The following UGT3A1 variants were observed in gnomAD, a reference collection of about 807,000 sequenced individuals.
The protein encoded by UGT3A1 is UDP-glycosyltransferase 3A1.
Under a neutral mutation model 37.6 loss-of-function variants are expected in UGT3A1, and 40 were observed. The ratio of observed to expected loss-of-function variants is 1.06; its 90% CI spans 0.83 to 1.38. The LOEUF is 1.38. Ranked by LOEUF, UGT3A1 falls within the 40% of genes most tolerant of loss-of-function variation. UGT3A1 has a pLI of 0.00. For synonymous variants in UGT3A1, 256 were observed against 232.3 expected (o/e 1.10, Z -0.93); for missense variants, 642 against 634.2 (o/e 1.01, Z -0.13).
At chr5:35,975,562 A>G (rs1740231385) in intron 2 of UGT3A1, among the ~76,000 whole-genome samples, 1 of 152,202 alleles carries the variant, frequency 6.6e-6, no homozygotes, top group Admixed American at 6.5e-5. Context: ...AACTCACTTA[A>G]CTGCAAATAA....
intron 4 of UGT3A1, among the ~76,000 whole-genome samples, chr5:35,963,519 C>T (rs1739673346): frequency 6.6e-6 from 1 of 152,122 alleles, no homozygotes; most frequent in Non-Finnish European, 1.5e-5. Flanking sequence ...GAAAAGGAAC[C>T]CTCTCGATTA....
rs1432067590 is a variant in UGT3A1, at chr5:35,951,325, T to C, written c.*2877A>G. On this transcript the variant is annotated 3_prime_UTR_variant, in exon 7 of 7. Coordinates refer to ENST00000274278, the MANE Select transcript of UGT3A1 (RefSeq NM_152404.4). Reference sequence around the variant, plus strand: ...ATCTATCACACTCTGGTTTATTCCCTCTGCACTGTTTTTGCAAGGCAATGC... The same window carrying C: ...ATCTATCACACTCTGGTTTATTCCCCCTGCACTGTTTTTGCAAGGCAATGC... The C allele has an allele frequency of 6.6e-6, 1 of 152,192 alleles. No homozygotes were observed. The highest frequency in any genetic ancestry group is 2.4e-5 in the African/African-American group (1 of 41,460). 9.4% of individuals were successfully genotyped at this position (152,192 alleles called of 1,614,324 possible).
intron 4 of UGT3A1, among the ~76,000 whole-genome samples, chr5:35,964,592 A>G (rs1739721054): frequency 6.6e-6 from 1 of 152,180 alleles, no homozygotes; most frequent in African/African-American, 2.4e-5. Flanking sequence ...TGGCCTCTGC[A>G]CTACACAGTG....
intron 5 of UGT3A1, 72 bp downstream of exon 5, chr5:35,957,116 A>G: frequency 7.6e-7 from 1 of 1,307,234 alleles, no homozygotes; most frequent in South Asian, 1.3e-5. Context: ...ATGCCCAGCT[A>G]GAGGTCAGAA....
chr5:35,972,494 CGT>C (rs4024103), intron 2 of UGT3A1, among the ~76,000 whole-genome samples: 24,130 of 141,220 alleles, frequency 0.17, 1,980 homozygotes, highest in East Asian at 0.23. Context: ...CCTTGAAATA[CGT>C]GTGTGTGTGT....
At chr5:35,993,275 C>T (rs191768716), upstream of UGT3A1, among the ~76,000 whole-genome samples, 40 of 152,202 alleles carry the variant, frequency 2.6e-4, no homozygotes, top group South Asian at 1.2e-3. Context: ...ACCATCCTGG[C>T]CAACATGGTG....
chr5:35,961,518 T>C (rs545245506), intron 4 of UGT3A1: 1 of 152,228 alleles, frequency 6.6e-6, no homozygotes, highest in Admixed American at 6.5e-5. Flanking sequence ...TTGAGCTGTT[T>C]CACCCTGGTG....
At chr5:35,978,136 G>C (rs1316522224) in intron 2 of UGT3A1, among the ~76,000 whole-genome samples, 3 of 152,156 alleles carry the variant, frequency 2.0e-5, no homozygotes. Context: ...TGGGATTCAA[G>C]AAGTTCTCCT....
chr5:35,994,253 G>C (rs1309086473), upstream of UGT3A1, among the ~76,000 whole-genome samples: 1 of 152,002 alleles, frequency 6.6e-6, no homozygotes, highest in Non-Finnish European at 1.5e-5. Flanking sequence ...AGAGCACTCA[G>C]AAATCATATA....
At chr5:35,976,282 C>T (rs557499356) in intron 2 of UGT3A1, among the ~76,000 whole-genome samples, 37 of 152,260 alleles carry the variant, frequency 2.4e-4, no homozygotes, top group African/African-American at 7.2e-4. Context: ...AATTGTGTTG[C>T]TCCTACACAT....
chr5:35,993,827 A>T (rs1346665544), upstream of UGT3A1, among the ~76,000 whole-genome samples: 1 of 152,156 alleles, frequency 6.6e-6, no homozygotes, highest in Non-Finnish European at 1.5e-5. Flanking sequence ...TCTGAAGTCC[A>T]GGATCTCTTT....
At chr5:35,964,064 C>T (rs1241644024) in intron 4 of UGT3A1, among the ~76,000 whole-genome samples, 2 of 149,324 alleles carry the variant, frequency 1.3e-5, no homozygotes, top group Non-Finnish European at 3.0e-5. Context: ...TATAAGTGTA[C>T]TCAATGCCAC....
At chr5:35,999,955 C>G (rs1233316933) in intron 1 of UGT3A1, among the ~76,000 whole-genome samples, 1 of 152,138 alleles carries the variant, frequency 6.6e-6, no homozygotes, top group African/African-American at 2.4e-5. Flanking sequence ...TGGGGAGTCC[C>G]CTGTGAACTT....
chr5:35,984,983 A>G (rs1039793444), intron 2 of UGT3A1, among the ~76,000 whole-genome samples: 2 of 151,614 alleles, frequency 1.3e-5, no homozygotes, highest in African/African-American at 4.8e-5. Flanking sequence ...AGAATTTATA[A>G]TGTGTCTAAT....
chr5:35,957,264 A>C lies in UGT3A1; in HGVS notation c.999T>G (p.Ser333Arg). Residue 333 changes from serine (S) to arginine (R), a missense_variant, in exon 5 of 7, where the codon AGT (serine) becomes AGG (arginine). By Grantham distance (110) the Ser-to-Arg change is moderately radical. Transcript: ENST00000274278. ...AATGAACATCTCTGGGCCAATGAGA[A>C]CTCTGACATGTCCATATCACTCCTT... ...LPQGVIWTCQ[S>R]SHWPRDVHLA... 1 of 1,613,966 alleles carries C rather than the reference A, an allele frequency of 6.2e-7. No individual in the cohort carries two copies. Among genetic ancestry groups the C allele is most frequent in the Non-Finnish European group, 8.5e-7 (1 of 1,179,978 alleles).
chr5:35,972,187 G>A (rs548599616), intron 2 of UGT3A1, among the ~76,000 whole-genome samples: 8 of 152,126 alleles, frequency 5.3e-5, no homozygotes, highest in African/African-American at 1.4e-4. Flanking sequence ...GAGAGTACAC[G>A]GTTAATTAAT....
intron 1 of UGT3A1, chr5:35,990,890 C>T (rs1390313687): frequency 3.1e-6 from 4 of 1,303,552 alleles, no homozygotes; most frequent in South Asian, 1.7e-5. Context: ...CCCAGTCCTG[C>T]GGGACGGGGA....
intron 1 of UGT3A1, among the ~76,000 whole-genome samples, chr5:35,997,900 A>C (rs998234486): frequency 6.6e-6 from 1 of 152,234 alleles, no homozygotes; most frequent in African/African-American, 2.4e-5. Flanking sequence ...ACTGAGACTT[A>C]AGTATTAGGG....
intron 1 of UGT3A1, among the ~76,000 whole-genome samples, chr5:35,999,593 T>C (rs539558276): frequency 3.3e-5 from 5 of 152,328 alleles, no homozygotes; most frequent in African/African-American, 9.6e-5. Flanking sequence ...CAGGTGCCCT[T>C]ATGGAATATA....
Sources: gnomAD v4.1 joint callset for allele counts (sites outside exome capture counted in the v4.1 genomes callset) on GRCh38, gnomAD v4.1.1 for gene constraint, MANE v1.5 for transcripts, NCBI Gene and HGNC (gene_info 2026-07-23, HGNC 2026-07-21) for gene names.